Variants in FNIP2 observed in about 807,000 individuals in gnomAD.
FNIP2 encodes folliculin-interacting protein 2.
In FNIP2, 32 loss-of-function variants were observed where a neutral mutation model predicts 108.7. The observed-to-expected ratio is 0.29, with a 90% CI of 0.22 to 0.40. The LOEUF is 0.40. Ranked by LOEUF, FNIP2 falls within the 10% of genes least tolerant of loss-of-function variation. FNIP2 has a pLI of 1.00. For missense variants in FNIP2, 1,202 were observed against 1,381.6 expected (o/e 0.87, Z 2.06); for synonymous variants, 480 against 496.7 (o/e 0.97, Z 0.45).
intron 14 of FNIP2, among the ~76,000 whole-genome samples, chr4:158,873,905 TGC>T (rs1378298859): frequency 6.6e-6 from 1 of 152,264 alleles, no homozygotes; most frequent in Non-Finnish European, 1.5e-5. Flanking sequence ...AGCAGGCGTA[TGC>T]GCCAGCAGCA....
At chr4:158,770,620 A>AT (rs1479358501) in intron 1 of FNIP2, among the ~76,000 whole-genome samples, 1 of 152,154 alleles carries the variant, frequency 6.6e-6, no homozygotes, top group African/African-American at 2.4e-5. Flanking sequence ...CCCAAGTTAA[A>AT]TTCTCATGTT....
chr4:158,893,268 A>C (rs1472917991), intron 15 of FNIP2: 1 of 159,318 alleles, frequency 6.3e-6, no homozygotes, highest in Non-Finnish European at 1.4e-5. Context: ...TGTTAGCTTT[A>C]GAGCCCCATA....
At chr4:158,891,206 T>A (rs1465164338) in intron 14 of FNIP2, among the ~76,000 whole-genome samples, 3 of 41,306 alleles carry the variant, frequency 7.3e-5, no homozygotes, top group African/African-American at 2.6e-4. Flanking sequence ...CACCCATCCC[T>A]CCCAAGCAGT....
At chr4:158,823,851 G>A (rs570226288) in intron 1 of FNIP2, among the ~76,000 whole-genome samples, 2 of 152,268 alleles carry the variant, frequency 1.3e-5, no homozygotes, top group African/African-American at 4.8e-5. Context: ...TGTCTCATTA[G>A]CCAGACCTGA....
intron 1 of FNIP2, among the ~76,000 whole-genome samples, chr4:158,819,927 T>C (rs1024730371): frequency 1.1e-4 from 16 of 152,138 alleles, no homozygotes; most frequent in African/African-American, 3.9e-4. Context: ...AAAAAGAATA[T>C]AGAATAGGGT....
At chr4:158,882,008 G>A (rs898857565) in intron 14 of FNIP2, among the ~76,000 whole-genome samples, 2 of 151,696 alleles carry the variant, frequency 1.3e-5, no homozygotes, top group Non-Finnish European at 2.9e-5. Flanking sequence ...GAAGTGAGGA[G>A]TGTCTCTGCC....
chr4:158,815,521 T>TA (rs1333179493), intron 1 of FNIP2, among the ~76,000 whole-genome samples: 1 of 152,062 alleles, frequency 6.6e-6, no homozygotes, highest in Non-Finnish European at 1.5e-5. Context: ...TAGCTGGGAC[T>TA]ACAGGCGCCC....
At chr4:158,872,301 C>G (rs1780997876) in intron 14 of FNIP2, 1 of 985,268 alleles carries the variant, frequency 1.0e-6, no homozygotes, top group African/African-American at 1.7e-5. Flanking sequence ...CTGGCAAGTT[C>G]TCATTTTTGT....
intron 1 of FNIP2, among the ~76,000 whole-genome samples, chr4:158,804,432 G>GTTA (rs1776868602): frequency 8.7e-6 from 1 of 115,578 alleles, no homozygotes; most frequent in Non-Finnish European, 1.8e-5. Flanking sequence ...TTTTTTTTTG[G>GTTA]ACACAGGGTC....
At chr4:158,776,688 T>G (rs1163067785) in intron 1 of FNIP2, among the ~76,000 whole-genome samples, 4 of 152,254 alleles carry the variant, frequency 2.6e-5, no homozygotes, top group Non-Finnish European at 5.9e-5. Context: ...CATGTGATAG[T>G]TACAGCATGG....
At position 158,789,212 on chromosome 4, in the gene FNIP2, A is replaced by G. The variant is rs1354548133; in HGVS notation, c.107+19893A>G. 5.9e-5 allele frequency among the ~76,000 whole-genome samples: 9 copies of G among 152,352 alleles called. 1 individual carries two copies. The South Asian group carries it at 1.9e-3, about 32-fold the overall frequency. On this transcript the variant is annotated intron_variant, in intron 1 of 16. Transcript: ENST00000264433. ...AGAATCCATCAGATTTTCAAGGGGC[A>G]GTAGTGAAACACAAAGATCACCTGA...
chr4:158,820,206 T>C (rs1358898682), intron 1 of FNIP2, among the ~76,000 whole-genome samples: 1 of 152,192 alleles, frequency 6.6e-6, no homozygotes, highest in East Asian at 1.9e-4. Flanking sequence ...TTAAACTCTT[T>C]ATGTAAACTT....
At position 158,798,563 on chromosome 4, in the gene FNIP2, TTCA is replaced by T. The variant is rs1291354544; in HGVS notation, c.108-27351_108-27349del. On this transcript the variant is annotated intron_variant, in intron 1 of 16. Coordinates refer to ENST00000264433, the MANE Select transcript of FNIP2 (RefSeq NM_020840.3). ...TTTCTTCTGCCACTATCATGTAAAC[TTCA>T]TAAAGGTGGCAGGGGTTTGGTTCAT... Among the ~76,000 whole-genome samples, 3 of 152,246 alleles carry T rather than the reference TTCA, an allele frequency of 2.0e-5. No individual in the cohort carries two copies. In the East Asian group the frequency reaches 5.8e-4, roughly 29 times the overall value.
chr4:158,868,166 G>C lies in FNIP2; in HGVS notation c.1530G>C (p.Gln510His), dbSNP rs759273830. 2.5e-6 allele frequency: 4 copies of C among 1,614,052 alleles called. No individual in the cohort carries two copies. The highest frequency in any genetic ancestry group is 3.4e-6 in the Non-Finnish European group (4 of 1,179,900). ...RLTRTVVVGK[Q>H]KDLVQRILYV... is the part of the protein sequence containing the mutation. ...CTCGCACCGTAGTGGTAGGGAAGCA[G>C]AAGGACTTAGTCCAGCGAATACTTT... Residue 510 changes from glutamine to histidine, a missense_variant, in exon 13 of 17, where the codon CAG becomes CAC. By Grantham distance (24) the Gln-to-His change is conservative. Transcript: ENST00000264433. The surrounding 1 kb of genome is among the most constrained non-coding windows in gnomAD (Gnocchi z 4.6).
rs765320872 is a variant in FNIP2 at position 158,826,018 on chromosome 4, A to G, written c.210A>G (p.Gln70=). The G allele has an allele frequency of 1.2e-6, 2 of 1,608,104 alleles. No homozygotes were observed. Among genetic ancestry groups the G allele is most frequent in the Non-Finnish European group, 1.7e-6 (2 of 1,175,100 alleles). The change falls in exon 2 of 17, where the codon CAA becomes CAG. Residue 70 remains glutamine (Q), a synonymous_variant. Transcript: ENST00000264433. ...RQVLFDSKAV[Q]KIEEVTAQKT... is the part of the protein sequence containing the mutation. ...TCTTGTTTGACTCTAAAGCTGTTCA[A>G]AAGATTGAGGAGGTGACAGCTCAGG...
chr4:158,849,210 T>G (rs1779567971), intron 7 of FNIP2, among the ~76,000 whole-genome samples: 2 of 152,114 alleles, frequency 1.3e-5, no homozygotes, highest in Non-Finnish European at 2.9e-5. Flanking sequence ...CATGGCGGGC[T>G]TTGGGGGAAA....
chr4:158,835,263 C>T, intron 6 of FNIP2, 142 bp from the exon 7 acceptor site: 17 of 458,306 alleles, frequency 3.7e-5, no homozygotes, highest in South Asian at 6.6e-5. Context: ...TTAATTTTGC[C>T]TTCTAGTTAA....
intron 1 of FNIP2, among the ~76,000 whole-genome samples, chr4:158,810,151 C>T (rs936728684): frequency 2.6e-5 from 4 of 152,234 alleles, no homozygotes; most frequent in African/African-American, 7.2e-5. Context: ...TAAAAGTAAG[C>T]GTAATGCAGG....
At chr4:158,834,890 A>G (rs1235081404) in intron 6 of FNIP2, 2 of 154,190 alleles carry the variant, frequency 1.3e-5, no homozygotes, top group African/African-American at 4.8e-5. Context: ...GAAAATGAGT[A>G]TAAATGTTTT....
Sources: allele counts gnomAD v4.1 joint callset (sites outside exome capture counted in the v4.1 genomes callset), GRCh38; gene constraint gnomAD v4.1.1; non-coding constraint Gnocchi (gnomAD v3.1); transcripts MANE v1.5; gene names NCBI Gene and HGNC (gene_info 2026-07-23, HGNC 2026-07-21).